TANC2: variants seen among roughly 807,000 people sequenced by gnomAD.
TANC2 encodes tetratricopeptide repeat, ankyrin repeat and coiled-coil containing 2, also known as protein TANC2.
A neutral mutation model predicts 210.5 loss-of-function variants in TANC2; 26 were observed. The observed-to-expected ratio is 0.12, with a 90% CI of 0.09 to 0.17. The LOEUF (loss-of-function observed/expected upper bound fraction) is 0.17, where lower values mean the gene tolerates loss of function less well. TANC2 is among the 10% of genes least tolerant of loss of function. The pLI, the probability that TANC2 is intolerant of heterozygous loss-of-function variation, is 1.00. For missense variants in TANC2, 2,129 were observed against 2,608.9 expected (o/e 0.82, Z 4.01); for synonymous variants, 931 against 967.1 (o/e 0.96, Z 0.69).
chr17:63,377,825 C>T (rs1253340576), intron 14 of TANC2, among the ~76,000 whole-genome samples: 2 of 152,190 alleles, frequency 1.3e-5, no homozygotes, highest in Non-Finnish European at 2.9e-5. Context: ...ATTTCGTTGA[C>T]TCACATGGCT....
In TANC2 at chr17:63,323,959, C is replaced by G. The variant is rs80336524; in HGVS notation, c.1575+4869C>G. Among the ~76,000 whole-genome samples the G allele has an allele frequency of 3.4e-3, 511 of 152,312 alleles. 3 individuals are homozygous for G. Among genetic ancestry groups the G allele is most frequent in the Non-Finnish European group, 5.4e-3 (367 of 68,022 alleles). On this transcript the variant is annotated intron_variant, in intron 11 of 27. Coordinates refer to ENST00000689528, the Ensembl canonical transcript of TANC2. Reference sequence around the variant, plus strand: ...AACTGAGGCAGGCAAAGTCTATACTCTTAACCACTGCACGAAGCTGCTTCT... The same window carrying G: ...AACTGAGGCAGGCAAAGTCTATACTGTTAACCACTGCACGAAGCTGCTTCT...
chr17:62,985,639 A>C (rs2032530326), intron 1 of TANC2, among the ~76,000 whole-genome samples: 1 of 152,040 alleles, frequency 6.6e-6, no homozygotes, highest in Non-Finnish European at 1.5e-5. Context: ...TGCTTGGTCT[A>C]ATCTATTGTT....
At chr17:63,350,656 C>T (rs1051468476) in intron 12 of TANC2, among the ~76,000 whole-genome samples, 15 of 152,126 alleles carry the variant, frequency 9.9e-5, no homozygotes, top group Non-Finnish European at 1.9e-4. Flanking sequence ...TAGGTATAGT[C>T]TAGGAAGCTG....
intron 5 of TANC2, chr17:63,152,970 T>C (rs940562686): frequency 1.3e-5 from 2 of 152,170 alleles, no homozygotes; most frequent in African/African-American, 4.8e-5. Context: ...AGGAAGAAAC[T>C]AAAACACAAT....
At chr17:63,260,761 C>G (rs1025629497) in intron 8 of TANC2, among the ~76,000 whole-genome samples, 3 of 126,614 alleles carry the variant, frequency 2.4e-5, no homozygotes, top group Non-Finnish European at 5.1e-5. Context: ...GACCCTGTCT[C>G]AAAAAAAAAA....
intron 21 of TANC2, among the ~76,000 whole-genome samples, chr17:63,410,503 A>T (rs2048660894): frequency 6.6e-6 from 1 of 152,010 alleles, no homozygotes; most frequent in South Asian, 2.1e-4. Context: ...TGGCATCGTG[A>T]TCAATGACAA....
intron 8 of TANC2, among the ~76,000 whole-genome samples, chr17:63,260,492 A>G (rs1041177888): frequency 1.3e-5 from 2 of 152,240 alleles, no homozygotes; most frequent in African/African-American, 4.8e-5. Flanking sequence ...GTGATCTTTT[A>G]AGATTTCTCA....
exon 28 of TANC2, chr17:63,422,084 C>A: frequency 1.6e-6 from 2 of 1,232,648 alleles, no homozygotes; most frequent in Non-Finnish European, 2.2e-6. Flanking sequence ...GGTGGCAGCC[C>A]ACATGCTGAA....
intron 5 of TANC2, among the ~76,000 whole-genome samples, chr17:63,159,821 G>A (rs1050454271): frequency 1.3e-5 from 2 of 152,214 alleles, no homozygotes; most frequent in African/African-American, 4.8e-5. Context: ...GTCTGTTGCA[G>A]ATACTGAGAA....
At chr17:62,998,904 A>G (rs2033243073) in intron 1 of TANC2, among the ~76,000 whole-genome samples, 1 of 152,234 alleles carries the variant, frequency 6.6e-6, no homozygotes, top group Non-Finnish European at 1.5e-5. Context: ...ACATATATCA[A>G]TATCAACACA....
chr17:63,258,819 T>G (rs982855229), intron 8 of TANC2, among the ~76,000 whole-genome samples: 17 of 152,262 alleles, frequency 1.1e-4, no homozygotes, highest in Non-Finnish European at 2.9e-5. Flanking sequence ...GCCCTCTTGG[T>G]GCTTTACCCC....
chr17:63,041,455 C>T (rs2035183662), intron 2 of TANC2, among the ~76,000 whole-genome samples: 1 of 152,052 alleles, frequency 6.6e-6, no homozygotes, highest in Admixed American at 6.6e-5. Flanking sequence ...TCTACAGCAG[C>T]CTGGGTGGTT....
chr17:63,199,911 G>A (rs4968756), intron 6 of TANC2, among the ~76,000 whole-genome samples: 33,994 of 152,112 alleles, frequency 0.22, 3,904 homozygotes, highest in South Asian at 0.3. Flanking sequence ...TATTAATTCT[G>A]TTTTATTAGA....
At chr17:63,011,438 G>A (rs1467550198) in intron 2 of TANC2, among the ~76,000 whole-genome samples, 1 of 151,832 alleles carries the variant, frequency 6.6e-6, no homozygotes, top group Non-Finnish European at 1.5e-5. Flanking sequence ...GATTCAGTGT[G>A]GATCAGTTTT....
At chr17:63,139,631 C>T (rs1236671743) in intron 4 of TANC2, among the ~76,000 whole-genome samples, 3 of 151,920 alleles carry the variant, frequency 2.0e-5, no homozygotes, top group Non-Finnish European at 2.9e-5. Context: ...GGCCACTGGG[C>T]GTGGTGGTTC....
In TANC2 at chr17:62,990,235, T is replaced by C. The variant is rs375849712; in HGVS notation, c.-23-19302T>C. Among the ~76,000 whole-genome samples the C allele has an allele frequency of 2.0e-4, 31 of 152,202 alleles. No homozygotes were observed. The East Asian group carries it at 6.0e-3, about 29-fold the overall frequency. ...GAAATTTGGTTATCCAGATGATAGA[T>C]GACAGCAAAGGCAATGGATGAACTA... On this transcript the variant is annotated intron_variant, in intron 1 of 27. Transcript: ENST00000689528.
intron 14 of TANC2, among the ~76,000 whole-genome samples, chr17:63,373,837 C>T (rs529195869): frequency 2.6e-5 from 4 of 152,038 alleles, no homozygotes; most frequent in East Asian, 1.9e-4. Flanking sequence ...AAAAATTAGC[C>T]GGGCATGGTG....
In TANC2 at chr17:63,411,928, C is replaced by T. The variant is rs187327292; in HGVS notation, c.3766-70C>T. On this transcript the variant is annotated intron_variant, in intron 22 of 27. Coordinates refer to ENST00000689528, the Ensembl canonical transcript of TANC2. ...CAGTTGAAAAAGGGCAGGCAGCAGC[C>T]AGAGCCCTCGGTGGAACAGTGCTGA... 9.5e-6 allele frequency: 15 copies of T among 1,580,606 alleles called. No individual in the cohort carries two copies. The African/African-American group carries it at 2.0e-4, about 21-fold the overall frequency.
chr17:63,381,940 G>A (rs924860910), intron 15 of TANC2, among the ~76,000 whole-genome samples: 10 of 152,140 alleles, frequency 6.6e-5, no homozygotes, highest in Non-Finnish European at 1.5e-4. Context: ...CAAGCTATTC[G>A]AACATAAAAT....
Sources: gnomAD v4.1 joint callset for allele counts (sites outside exome capture counted in the v4.1 genomes callset) on GRCh38, gnomAD v4.1.1 for gene constraint, MANE v1.5 for transcripts, NCBI Gene and HGNC (gene_info 2026-07-23, HGNC 2026-07-21) for gene names.